The following RYR2 variants were observed in gnomAD, a reference collection of about 807,000 sequenced individuals.
RYR2 encodes cardiac muscle ryanodine receptor-calcium release channel.
Under a neutral mutation model 601.1 loss-of-function variants are expected in RYR2, and 227 were observed. The observed-to-expected ratio is 0.38, with a 90% CI of 0.34 to 0.42. RYR2 has a LOEUF of 0.42. RYR2 is among the 10% of genes least tolerant of loss of function. The pLI is 1.00. For synonymous variants in RYR2, 2,223 were observed against 2,175.1 expected, an observed-to-expected ratio of 1.02 and a Z score of -0.61; for missense variants, 4,646 against 6,156.5, an observed-to-expected ratio of 0.75 and a Z score of 8.21.
intron 1 of RYR2, among the ~76,000 whole-genome samples, chr1:237,164,395 G>C (rs1676400924): frequency 6.6e-6 from 1 of 152,240 alleles, no homozygotes; most frequent in Non-Finnish European, 1.5e-5. Context: ...CAGGTGCCCA[G>C]CTGTAGACGT....
intron 27 of RYR2, among the ~76,000 whole-genome samples, chr1:237,561,133 A>G (rs1426910437): frequency 6.6e-6 from 1 of 152,140 alleles, no homozygotes; most frequent in Non-Finnish European, 1.5e-5. Flanking sequence ...AACAGGGAGA[A>G]AAAATGGTGA....
intron 10 of RYR2, among the ~76,000 whole-genome samples, chr1:237,394,517 C>T (rs1277561286): frequency 6.6e-6 from 1 of 152,212 alleles, no homozygotes; most frequent in Non-Finnish European, 1.5e-5. Flanking sequence ...GCTTTAGCAC[C>T]TGCCTGCGGC....
In RYR2 at chr1:237,496,525, T is replaced by G. The variant is rs753013388; in HGVS notation, c.1976T>G (p.Ile659Ser). 9.9e-6 allele frequency: 16 copies of G among 1,613,780 alleles called. No homozygotes were observed. The highest frequency in any genetic ancestry group is 1.7e-5 in the Admixed American group (1 of 59,998). Residue 659 changes from isoleucine (I) to serine (S), a missense_variant, in exon 20 of 105, where the codon ATT (isoleucine) becomes AGT (serine). Ile to Ser is a moderately radical substitution (Grantham distance 142). This residue lies in a region of RYR2 where 1,807 missense variants were observed against 2,088.1 expected (regional missense o/e 0.87). Transcript: ENST00000366574. ...TCTCTTTAAAGCATGAGACCCAATATTTTTCTGGGCGTCAGTGAAGGTTCT... is the reference window on the plus strand; with the variant it reads ...TCTCTTTAAAGCATGAGACCCAATAGTTTTCTGGGCGTCAGTGAAGGTTCT... ...VNHVSSMRPN[I>S]FLGVSEGSAQ...
rs1668720271 is a variant in RYR2, at chr1:237,106,702, TGCTATAACAAAATGC to T, written c.48+64134_48+64148del. ...ACATGGCACCTTCGTCCATTTGGGC[TGCTATAACAAAATGC>T]CATGGACTGGGAGGCTTAGAAACCA... is the stretch of plus-strand genomic sequence containing the variant. On this transcript the variant is annotated intron_variant, in intron 1 of 104. Coordinates refer to ENST00000366574, the MANE Select transcript of RYR2 (RefSeq NM_001035.3). This position sits in a 1 kb window ranked among gnomAD's most constrained non-coding sequence, Gnocchi z 4.4. Among the ~76,000 whole-genome samples, 2 of 152,228 alleles carry T rather than the reference TGCTATAACAAAATGC, an allele frequency of 1.3e-5. No homozygotes were observed. Among genetic ancestry groups the T allele is most frequent in the Non-Finnish European group, 2.9e-5 (2 of 68,042 alleles).
intron 96 of RYR2, among the ~76,000 whole-genome samples, chr1:237,796,840 A>G (rs1659298092): frequency 6.6e-6 from 1 of 151,946 alleles, no homozygotes. Flanking sequence ...GCTGGAGTGC[A>G]ATGGCATGAT....
At chr1:237,355,393 A>G (rs768175889) in intron 3 of RYR2, among the ~76,000 whole-genome samples, 3 of 152,176 alleles carry the variant, frequency 2.0e-5, no homozygotes, top group Non-Finnish European at 4.4e-5. Flanking sequence ...GAGCCACATA[A>G]TGATTAAGAG....
At chr1:237,093,351 T>G (rs1405759722) in intron 1 of RYR2, among the ~76,000 whole-genome samples, 1 of 152,138 alleles carries the variant, frequency 6.6e-6, no homozygotes, top group Non-Finnish European at 1.5e-5. Context: ...AAACTGAGAC[T>G]TTCAGGAAAA....
intron 1 of RYR2, among the ~76,000 whole-genome samples, chr1:237,250,514 G>GTGTC (rs1161916742): frequency 2.0e-5 from 3 of 152,044 alleles, no homozygotes; most frequent in Admixed American, 6.5e-5. Flanking sequence ...TCTTGTCCTC[G>GTGTC]TGTCTAATCT....
chr1:237,204,497 CA>C (rs1225260279), intron 1 of RYR2, among the ~76,000 whole-genome samples: 6 of 86,948 alleles, frequency 6.9e-5, no homozygotes, highest in African/African-American at 3.0e-4. Flanking sequence ...AAAACAAAAA[CA>C]AAAACAAAAA....
At chr1:237,356,828 A>G (rs1327562089) in intron 4 of RYR2, among the ~76,000 whole-genome samples, 1 of 152,194 alleles carries the variant, frequency 6.6e-6, no homozygotes, top group Non-Finnish European at 1.5e-5. Context: ...CTTTCTCCCA[A>G]GAGTGCAAAA....
chr1:237,298,081 T>C (rs1692981768), intron 2 of RYR2, among the ~76,000 whole-genome samples: 1 of 152,172 alleles, frequency 6.6e-6, no homozygotes, highest in African/African-American at 2.4e-5. Flanking sequence ...AATATTACAA[T>C]GATGCTACTG....
chr1:237,679,795 T>C (rs1218056607), intron 61 of RYR2, among the ~76,000 whole-genome samples: 1 of 152,164 alleles, frequency 6.6e-6, no homozygotes, highest in Non-Finnish European at 1.5e-5. Flanking sequence ...AGTTGAGATC[T>C]ACAGGAGGAC....
At chr1:237,669,621 C>T (rs944516386) in intron 58 of RYR2, among the ~76,000 whole-genome samples, 6 of 151,530 alleles carry the variant, frequency 4.0e-5, no homozygotes, top group East Asian at 2.0e-4. Context: ...ACGGGGCGGC[C>T]GGGCAGAGAC....
chr1:237,591,820 G>T lies in RYR2; in HGVS notation c.4242G>T (p.Arg1414=). ...CCGAAGATGTCCTTGCTGATGATCG[G>T]GATGACTATGATTTCTTGATGCAAA... The part of the protein sequence containing the change: ...RLTEDVLADD[R]DDYDFLMQTS... Residue 1414 remains arginine, a synonymous_variant, in exon 32 of 105, where the codon CGG becomes CGT. Transcript: ENST00000366574. 1 of 1,613,420 alleles carries T rather than the reference G, an allele frequency of 6.2e-7. No individual in the cohort carries two copies. The highest frequency in any genetic ancestry group is 8.5e-7 in the Non-Finnish European group (1 of 1,179,730).
chr1:237,120,423 G>A (rs1281992618), intron 1 of RYR2, among the ~76,000 whole-genome samples: 1 of 152,188 alleles, frequency 6.6e-6, no homozygotes, highest in Non-Finnish European at 1.5e-5. Context: ...TCGTTAAAAT[G>A]CAAAGCTGTT....
At chr1:237,786,687 G>A (rs934165262) in intron 91 of RYR2, among the ~76,000 whole-genome samples, 6 of 152,152 alleles carry the variant, frequency 3.9e-5, no homozygotes, top group Non-Finnish European at 8.8e-5. Context: ...CTGAATAATC[G>A]AAGCCTACAT....
intron 20 of RYR2, 98 bp downstream of exon 20, chr1:237,496,850 G>T: frequency 7.2e-7 from 1 of 1,380,950 alleles, no homozygotes; most frequent in Middle Eastern, 2.1e-4. Flanking sequence ...ACTTCTATAG[G>T]GTATTAATTA....
chr1:237,464,231 G>A (rs945525181), intron 16 of RYR2, among the ~76,000 whole-genome samples: 8 of 151,966 alleles, frequency 5.3e-5, no homozygotes, highest in Admixed American at 2.0e-4. Flanking sequence ...CTTTGATGTT[G>A]GTACATTTTA....
intron 10 of RYR2, among the ~76,000 whole-genome samples, chr1:237,395,732 G>A (rs1215224440): frequency 6.6e-6 from 1 of 151,978 alleles, no homozygotes; most frequent in African/African-American, 2.4e-5. Context: ...ATTTTTAGTA[G>A]AGATGGGGTT....
Sources: gnomAD v4.1 joint callset for allele counts (sites outside exome capture counted in the v4.1 genomes callset) on GRCh38, gnomAD v4.1.1 for gene constraint, gnomAD v4.1.1 regional missense constraint, Gnocchi (gnomAD v3.1) non-coding constraint, MANE v1.5 for transcripts, NCBI Gene and HGNC (gene_info 2026-07-23, HGNC 2026-07-21) for gene names.